CCDC171: variants seen among roughly 807,000 people sequenced by gnomAD.
CCDC171 encodes coiled-coil domain-containing protein 171.
Under a neutral mutation model 168.2 loss-of-function variants are expected in CCDC171, and 177 were observed. The observed-to-expected ratio is 1.05, with a 90% CI of 0.93 to 1.19. The LOEUF is 1.19. Ranked by LOEUF, CCDC171 falls within the 50% of genes most tolerant of loss-of-function variation. CCDC171 has a pLI of 0.00. For missense variants in CCDC171, 1,991 were observed against 1,539.0 expected, an observed-to-expected ratio of 1.29 and a Z score of -4.91; for synonymous variants, 687 against 540.8, an observed-to-expected ratio of 1.27 and a Z score of -3.75.
chr9:15,787,292 A>T (rs2058015025), intron 21 of CCDC171, among the ~76,000 whole-genome samples: 2 of 151,796 alleles, frequency 1.3e-5, no homozygotes, highest in Admixed American at 1.3e-4. Context: ...AACTGTACTC[A>T]CCTTGCTGTG....
At chr9:15,595,739 A>T (rs200687818) in intron 6 of CCDC171, among the ~76,000 whole-genome samples, 3 of 151,844 alleles carry the variant, frequency 2.0e-5, no homozygotes, top group Non-Finnish European at 4.4e-5. Context: ...TTCCACAATG[A>T]TTGAGCTAGT....
chr9:16,032,627 T>C (rs1460899717), intron 6 of CCDC171, among the ~76,000 whole-genome samples: 3 of 152,170 alleles, frequency 2.0e-5, no homozygotes. Context: ...CAGAGAACTT[T>C]GTTTTTTAGA....
chr9:16,101,792 A>G, the CCDC171 span, among the ~76,000 whole-genome samples: 1 of 152,164 alleles, frequency 6.6e-6, no homozygotes, highest in African/African-American at 2.4e-5. Context: ...CCAGGAAGAA[A>G]GCAGGGAACC....
At chr9:15,974,370 G>T (rs146692178), downstream of CCDC171, among the ~76,000 whole-genome samples, 6 of 152,280 alleles carry the variant, frequency 3.9e-5, no homozygotes, top group African/African-American at 1.4e-4. Context: ...GATCTCTGTT[G>T]TGTCGGCAAG....
intron 25 of CCDC171, among the ~76,000 whole-genome samples, chr9:15,949,382 T>C (rs201557028): frequency 1.2e-4 from 18 of 152,170 alleles, no homozygotes; most frequent in Non-Finnish European, 2.2e-4. Flanking sequence ...GCTTGATGGG[T>C]ATGGCATTGA....
At chr9:15,581,592 A>G (rs1398402868) in intron 4 of CCDC171, among the ~76,000 whole-genome samples, 1 of 152,190 alleles carries the variant, frequency 6.6e-6, no homozygotes, top group Admixed American at 6.5e-5. Flanking sequence ...TATATAGACC[A>G]ATGGAACAGA....
At chr9:15,859,362 T>C (rs1048529115) in intron 23 of CCDC171, among the ~76,000 whole-genome samples, 1 of 151,956 alleles carries the variant, frequency 6.6e-6, no homozygotes, top group African/African-American at 2.4e-5. Context: ...TCTTGTGATG[T>C]CCTTGTCTGG....
Position 15,777,788 on chromosome 9 carries a change from G to T in CCDC171, c.2860G>T (p.Ala954Ser). The change falls in exon 19 of 26, where the codon GCC becomes TCC. Residue 954 changes from alanine (A) to serine (S), a missense_variant. Coordinates refer to ENST00000380701, the MANE Select transcript of CCDC171 (RefSeq NM_173550.4). ...TGGACTTCATAAAGTAAACACACTGGCCCTGAAATATGGTTTGCGTGGCCA... is the reference window on the plus strand; with the variant it reads ...TGGACTTCATAAAGTAAACACACTGTCCCTGAAATATGGTTTGCGTGGCCA... ...AHGLHKVNTL[A>S]LKYGLRGHVP... The T allele has an allele frequency of 2.5e-6, 4 of 1,612,462 alleles. No homozygotes were observed. Among genetic ancestry groups the T allele is most frequent in the Non-Finnish European group, 2.5e-6 (3 of 1,179,636 alleles).
intron 24 of CCDC171, among the ~76,000 whole-genome samples, chr9:15,879,670 G>A (rs1818350838): frequency 1.3e-5 from 2 of 152,064 alleles, no homozygotes; most frequent in African/African-American, 2.4e-5. Context: ...TTTGATGCCT[G>A]AGTTGTGCTC....
intron 21 of CCDC171, among the ~76,000 whole-genome samples, chr9:15,822,302 G>T (rs1452652183): frequency 1.3e-5 from 2 of 151,850 alleles, no homozygotes; most frequent in African/African-American, 4.8e-5. Flanking sequence ...AACACCGAAG[G>T]CAATGGCAAG....
intron 18 of CCDC171, among the ~76,000 whole-genome samples, chr9:15,768,359 T>C (rs2056844270): frequency 1.3e-5 from 2 of 152,306 alleles, no homozygotes; most frequent in South Asian, 4.2e-4. Context: ...CTTACTCTTA[T>C]TCTCCATATT....
intron 21 of CCDC171, among the ~76,000 whole-genome samples, chr9:15,844,025 G>T (rs183210703): frequency 6.6e-6 from 1 of 152,240 alleles, no homozygotes; most frequent in African/African-American, 2.4e-5. Context: ...TAGGAGCAGA[G>T]TTATTAAACT....
Position 15,729,818 on chromosome 9 carries a change from AGCTTT to A in CCDC171, c.2049+21_2049+25del. 6 of 1,583,164 alleles carry A rather than the reference AGCTTT, an allele frequency of 3.8e-6. No individual in the cohort carries two copies. Among genetic ancestry groups the A allele is most frequent in the Admixed American group, 3.6e-5 (2 of 55,332 alleles). ...GCACAGGTATGCTACCTTTACAAAGAGCTTTAAAAAATGGGTTACTCAGTGTAACC... is the reference window on the plus strand; with the variant it reads ...GCACAGGTATGCTACCTTTACAAAGAAAAAAATGGGTTACTCAGTGTAACC... On this transcript the variant is annotated intron_variant, in intron 16 of 25. Transcript: ENST00000380701.
upstream of CCDC171, among the ~76,000 whole-genome samples, chr9:16,039,496 C>A (rs904142518): frequency 6.6e-6 from 1 of 152,176 alleles, no homozygotes; most frequent in Non-Finnish European, 1.5e-5. Context: ...TGGAAGAATA[C>A]AGTGGCTCAG....
rs1383098904 is a variant in CCDC171 at position 15,778,594 on chromosome 9, C to A, written c.2899-374C>A. On this transcript the variant is annotated intron_variant, in intron 19 of 25. Transcript: ENST00000380701. ...TCGGGAGGTGGAGGTTGTAGTGAGA[C>A]GAGATTGTGCCACTGTACTCCAGCC... 1.1e-4 allele frequency among the ~76,000 whole-genome samples: 15 copies of A among 130,822 alleles called. No homozygotes were observed. The East Asian group carries it at 2.9e-3, about 25-fold the overall frequency. The allele number at this position is 130,822 out of a possible 152,430, so 85.8% of individuals were successfully genotyped here. A position where few individuals can be genotyped will look rare whatever the true frequency, so the allele number is the denominator to read the frequency against.
At chr9:15,591,251 A>G in intron 4 of CCDC171, 115 bp from the exon 5 acceptor site, 1 of 631,546 alleles carries the variant, frequency 1.6e-6, no homozygotes, top group Non-Finnish European at 2.7e-6. Flanking sequence ...GGAAAGGTTA[A>G]ATGTTTTATC....
intron 4 of CCDC171, among the ~76,000 whole-genome samples, chr9:15,583,160 T>C (rs2041268118): frequency 6.6e-6 from 1 of 152,134 alleles, no homozygotes; most frequent in Non-Finnish European, 1.5e-5. Context: ...CTCACGCCTG[T>C]AATCCCAGCA....
intron 1 of CCDC171, among the ~76,000 whole-genome samples, chr9:15,557,998 T>C (rs1317511748): frequency 2.0e-5 from 3 of 152,158 alleles, no homozygotes; most frequent in Non-Finnish European, 2.9e-5. Flanking sequence ...GAGATAATCA[T>C]GTGGTTTTTG....
intron 21 of CCDC171, among the ~76,000 whole-genome samples, chr9:15,798,710 C>T (rs925494925): frequency 2.0e-5 from 3 of 152,128 alleles, no homozygotes; most frequent in Non-Finnish European, 2.9e-5. Flanking sequence ...TGGCTGCTTT[C>T]TTACTACAAT....
Sources: gnomAD v4.1 joint callset for allele counts (sites outside exome capture counted in the v4.1 genomes callset) on GRCh38, gnomAD v4.1.1 for gene constraint, MANE v1.5 for transcripts, NCBI Gene and HGNC (gene_info 2026-07-23, HGNC 2026-07-21) for gene names.